Variants in TBC1D12 observed in about 807,000 individuals in gnomAD.
The protein encoded by TBC1D12 is TBC1 domain family member 12.
TBC1D12 carries 56 observed loss-of-function variants against 86.7 expected under a neutral mutation model. That is an observed-to-expected ratio of 0.65 (90% confidence interval 0.52 to 0.81). The LOEUF (loss-of-function observed/expected upper bound fraction) is 0.81, where lower values mean the gene tolerates loss of function less well. Among genes scored for constraint, TBC1D12 ranks in the 30% least tolerant of loss-of-function variants. The probability of loss-of-function intolerance (pLI) is 0.00; values close to 1 mark genes in which losing one functional copy is unlikely to be tolerated. For synonymous variants in TBC1D12, 421 were observed against 411.7 expected (o/e 1.02, Z -0.27); for missense variants, 1,023 against 1,038.8 (o/e 0.98, Z 0.21).
chr10:94,473,617 C>A (rs1379075878), intron 2 of TBC1D12, among the ~76,000 whole-genome samples: 1 of 152,072 alleles, frequency 6.6e-6, no homozygotes, highest in Non-Finnish European at 1.5e-5. Context: ...AGTGGACTTG[C>A]ATAGTTCGTG....
At chr10:94,487,001 T>C (rs969883579) in intron 3 of TBC1D12, among the ~76,000 whole-genome samples, 5 of 152,178 alleles carry the variant, frequency 3.3e-5, no homozygotes, top group African/African-American at 1.2e-4. Flanking sequence ...GTTGGGTGCA[T>C]ATAGATTTAC....
chr10:94,481,949 TAAAC>T (rs758761514), intron 3 of TBC1D12, among the ~76,000 whole-genome samples: 11 of 152,256 alleles, frequency 7.2e-5, no homozygotes, highest in Admixed American at 6.5e-5. Context: ...CTTTGTGTAA[TAAAC>T]AATCCAATTA....
intron 2 of TBC1D12, among the ~76,000 whole-genome samples, chr10:94,473,093 G>A (rs983147776): frequency 9.2e-5 from 14 of 152,126 alleles, no homozygotes; most frequent in African/African-American, 2.9e-4. Context: ...GGTGGCTCAC[G>A]CCTGTAATCC....
At chr10:94,437,629 T>G (rs973500835) in intron 1 of TBC1D12, among the ~76,000 whole-genome samples, 2 of 152,152 alleles carry the variant, frequency 1.3e-5, no homozygotes. Context: ...CTCTTTGTCT[T>G]TCCCTTCTCC....
intron 11 of TBC1D12, among the ~76,000 whole-genome samples, chr10:94,527,324 A>C (rs1842317995): frequency 6.6e-6 from 1 of 151,604 alleles, no homozygotes; most frequent in Non-Finnish European, 1.5e-5. Context: ...TCCTGACCTC[A>C]AGTGATCCAC....
chr10:94,493,544 C>G, intron 4 of TBC1D12, 97 bp downstream of exon 4: 1 of 942,330 alleles, frequency 1.1e-6, no homozygotes, highest in Non-Finnish European at 1.6e-6. Context: ...ATACTGAATT[C>G]TTTTTTTTAT....
intron 5 of TBC1D12, 24 bp from the exon 6 acceptor site, chr10:94,500,196 CT>C: frequency 6.2e-7 from 1 of 1,602,746 alleles, no homozygotes; most frequent in Non-Finnish European, 8.5e-7. Flanking sequence ...TAACTTTCTC[CT>C]TTTTTCTCCT....
At chr10:94,410,249 A>G (rs918532602) in intron 1 of TBC1D12, among the ~76,000 whole-genome samples, 5 of 152,188 alleles carry the variant, frequency 3.3e-5, no homozygotes, top group African/African-American at 1.2e-4. Flanking sequence ...TTAACCTAGA[A>G]CAATGATATT....
At chr10:94,409,162 AAC>A (rs1289119884) in intron 1 of TBC1D12, among the ~76,000 whole-genome samples, 1 of 152,030 alleles carries the variant, frequency 6.6e-6, no homozygotes, top group African/African-American at 2.4e-5. Flanking sequence ...CCCAAAAAAC[AAC>A]ACTCTAGGGA....
chr10:94,414,809 A>G (rs1468333390), intron 1 of TBC1D12, among the ~76,000 whole-genome samples: 3 of 152,162 alleles, frequency 2.0e-5, no homozygotes, highest in Non-Finnish European at 4.4e-5. Context: ...CATGTTGGCC[A>G]GGGCGGTCTC....
rs568728440 is a variant in TBC1D12 at position 94,406,961 on chromosome 10, C to T, written c.971+3377C>T. Among the ~76,000 whole-genome samples the T allele has an allele frequency of 3.3e-5, 5 of 152,192 alleles. No homozygotes were observed. In the South Asian group the frequency reaches 8.3e-4, roughly 25 times the overall value. ...GTTCACTTTATGGCTCTTTTCTCTC[C>T]CACCTATTTATCCTCCATGCTTTCC... On this transcript the variant is annotated intron_variant, in intron 1 of 12. Coordinates refer to ENST00000225235, the MANE Select transcript of TBC1D12 (RefSeq NM_015188.2).
chr10:94,408,045 T>G (rs1030107832), intron 1 of TBC1D12, among the ~76,000 whole-genome samples: 1 of 152,246 alleles, frequency 6.6e-6, no homozygotes, highest in Non-Finnish European at 1.5e-5. Context: ...GGTTTATTTT[T>G]TACATAGATA....
chr10:94,480,005 G>A (rs1460655120), intron 3 of TBC1D12, among the ~76,000 whole-genome samples: 4 of 152,152 alleles, frequency 2.6e-5, no homozygotes, highest in African/African-American at 9.7e-5. Flanking sequence ...GACCCACTGG[G>A]CCCACAGTAA....
intron 11 of TBC1D12, among the ~76,000 whole-genome samples, chr10:94,524,009 C>T (rs1842222095): frequency 1.3e-5 from 2 of 152,070 alleles, no homozygotes; most frequent in Admixed American, 1.3e-4. Context: ...ATACTGCAGA[C>T]AGGATCACCA....
intron 9 of TBC1D12, among the ~76,000 whole-genome samples, chr10:94,516,393 A>T (rs543867094): frequency 6.6e-6 from 1 of 152,282 alleles, no homozygotes; most frequent in South Asian, 2.1e-4. Context: ...TTGGTTGGGC[A>T]TATATAAATT....
chr10:94,482,285 G>C (rs2056088248), intron 3 of TBC1D12, among the ~76,000 whole-genome samples: 1 of 152,136 alleles, frequency 6.6e-6, no homozygotes, highest in Admixed American at 6.5e-5. Context: ...GCATTAGTTT[G>C]TGGAAGATAA....
chr10:94,420,695 G>A (rs1464885752), intron 1 of TBC1D12, among the ~76,000 whole-genome samples: 3 of 152,294 alleles, frequency 2.0e-5, no homozygotes, highest in Non-Finnish European at 4.4e-5. Flanking sequence ...CCTCAGTACA[G>A]CATTACTTTT....
chr10:94,423,980 A>T (rs1451897220), intron 1 of TBC1D12, among the ~76,000 whole-genome samples: 1 of 152,186 alleles, frequency 6.6e-6, no homozygotes, highest in African/African-American at 2.4e-5. Flanking sequence ...ACTGAACATG[A>T]ACAGACTTTT....
intron 1 of TBC1D12, among the ~76,000 whole-genome samples, chr10:94,441,349 A>G (rs932052905): frequency 2.6e-5 from 4 of 152,108 alleles, no homozygotes; most frequent in African/African-American, 9.6e-5. Flanking sequence ...ATATTTATCC[A>G]AATATTGTAT....
Sources: gnomAD v4.1 joint callset for allele counts (sites outside exome capture counted in the v4.1 genomes callset) on GRCh38, gnomAD v4.1.1 for gene constraint, MANE v1.5 for transcripts, NCBI Gene and HGNC (gene_info 2026-07-23, HGNC 2026-07-21) for gene names.